The following SBF2 variants were observed in gnomAD, a reference collection of about 807,000 sequenced individuals.
SBF2 encodes SET binding factor 2, also known as myotubularin-related protein 13.
SBF2 carries 112 observed loss-of-function variants against 225.2 expected under a neutral mutation model. That is an observed-to-expected ratio of 0.50 (90% CI 0.43 to 0.58). The LOEUF is 0.58. SBF2 is among the 20% of genes least tolerant of loss of function. The pLI, the probability that SBF2 is intolerant of heterozygous loss-of-function variation, is 0.00. For missense variants in SBF2, 1,996 were observed against 2,206.2 expected (o/e 0.90, Z 1.91); for synonymous variants, 763 against 773.3 (o/e 0.99, Z 0.22).
chr11:10,057,091 C>T (rs1950281754), intron 2 of SBF2, among the ~76,000 whole-genome samples: 1 of 152,168 alleles, frequency 6.6e-6, no homozygotes, highest in South Asian at 2.1e-4. Flanking sequence ...TGCTGTTTCA[C>T]AGCCTTCACT....
chr11:10,025,944 T>C (rs976857456), intron 6 of SBF2, among the ~76,000 whole-genome samples: 1 of 152,120 alleles, frequency 6.6e-6, no homozygotes, highest in East Asian at 1.9e-4. Context: ...AAGTTGTCAT[T>C]GTTAAGAGGA....
exon 1 of SBF2, chr11:10,304,768 A>C (rs2133658078): frequency 6.6e-6 from 1 of 152,476 alleles, no homozygotes. Flanking sequence ...AAGGACCTCA[A>C]GAGGTTGTAG....
chr11:10,196,554 T>A (rs981441903), intron 1 of SBF2, among the ~76,000 whole-genome samples: 2 of 151,980 alleles, frequency 1.3e-5, no homozygotes, highest in East Asian at 3.9e-4. Flanking sequence ...AATTTTCATA[T>A]TTTTTGTAGA....
At chr11:10,235,611 T>A (rs1183056052) in intron 1 of SBF2, among the ~76,000 whole-genome samples, 1 of 152,194 alleles carries the variant, frequency 6.6e-6, no homozygotes, top group African/African-American at 2.4e-5. Context: ...CTTCCCTTTT[T>A]GGAAAAATTA....
chr11:9,787,498 C>T, intron 36 of SBF2, 136 bp downstream of exon 36: 2 of 736,054 alleles, frequency 2.7e-6, no homozygotes, highest in South Asian at 3.0e-5. Flanking sequence ...ACCTCCAGGA[C>T]ATGACCCCTC....
At chr11:10,299,807 C>A (rs1201881529) in intron 1 of SBF2, among the ~76,000 whole-genome samples, 1 of 152,212 alleles carries the variant, frequency 6.6e-6, no homozygotes, top group African/African-American at 2.4e-5. Flanking sequence ...TTGCACCTTT[C>A]TAATCTATCT....
At chr11:9,822,744 C>A (rs541095288) in intron 28 of SBF2, among the ~76,000 whole-genome samples, 1 of 152,038 alleles carries the variant, frequency 6.6e-6, no homozygotes, top group African/African-American at 2.4e-5. Context: ...TCTGTTCTGA[C>A]GAAAGGGGAG....
In SBF2 at chr11:9,846,901, C is replaced by A. The variant is rs1203199943; in HGVS notation, c.2934+55G>T. On this transcript the variant is annotated intron_variant, in intron 23 of 39. Coordinates refer to ENST00000256190, the MANE Select transcript of SBF2 (RefSeq NM_030962.4). ...TGACCACACAAAATGGCCATAATAT[C>A]ATTTGACTTTTGAAAATTTTTGAAT... 17 of 1,600,654 alleles carry A rather than the reference C, an allele frequency of 1.1e-5. No homozygotes were observed. The East Asian group carries it at 1.1e-4, about 11-fold the overall frequency.
At chr11:10,018,915 G>A (rs1443441507) in intron 6 of SBF2, among the ~76,000 whole-genome samples, 1 of 152,132 alleles carries the variant, frequency 6.6e-6, no homozygotes, top group Admixed American at 6.5e-5. Flanking sequence ...ACTATTCCAT[G>A]AGGGCCTTTC....
intron 2 of SBF2, among the ~76,000 whole-genome samples, chr11:10,091,493 C>A (rs576068285): frequency 5.7e-4 from 87 of 152,246 alleles, no homozygotes; most frequent in Non-Finnish European, 5.3e-4. Flanking sequence ...AAGTATAATT[C>A]TGTACATAAA....
At chr11:10,193,261 G>A (rs1957243916) in intron 2 of SBF2, among the ~76,000 whole-genome samples, 3 of 150,700 alleles carry the variant, frequency 2.0e-5, no homozygotes, top group South Asian at 2.1e-4. Flanking sequence ...ATATATATAT[G>A]TGTATCCCTG....
chr11:9,796,085 C>T, intron 32 of SBF2, 128 bp from the exon 33 acceptor site: 2 of 925,520 alleles, frequency 2.2e-6, no homozygotes, highest in Non-Finnish European at 3.4e-6. Context: ...TACCTGAATC[C>T]CTACCATAAG....
At chr11:9,953,055 G>A (rs186192134) in intron 16 of SBF2, among the ~76,000 whole-genome samples, 34 of 152,332 alleles carry the variant, frequency 2.2e-4, no homozygotes, top group Admixed American at 1.1e-3. Flanking sequence ...ATACCAAAAA[G>A]ATTCCTGCAC....
At chr11:10,291,590 C>T (rs1382467538) in intron 1 of SBF2, among the ~76,000 whole-genome samples, 1 of 151,884 alleles carries the variant, frequency 6.6e-6, no homozygotes, top group Non-Finnish European at 1.5e-5. Context: ...GCCAGTGCTT[C>T]GGGCAGGTGG....
intron 2 of SBF2, among the ~76,000 whole-genome samples, chr11:10,064,664 A>C (rs978634144): frequency 6.6e-6 from 1 of 152,236 alleles, no homozygotes; most frequent in Non-Finnish European, 1.5e-5. Flanking sequence ...TAGATTTCAG[A>C]AATTTTTTTT....
At chr11:9,860,151 G>A (rs983153275) in intron 17 of SBF2, among the ~76,000 whole-genome samples, 1 of 152,022 alleles carries the variant, frequency 6.6e-6, no homozygotes, top group Admixed American at 6.6e-5. Context: ...TACTCTGCAT[G>A]AAGACACTTG....
chr11:9,955,383 A>C (rs1590595836), intron 16 of SBF2, among the ~76,000 whole-genome samples: 1 of 152,098 alleles, frequency 6.6e-6, no homozygotes, highest in African/African-American at 2.4e-5. Context: ...CCTTTTGCCT[A>C]CTTAGCAATA....
At position 10,251,123 on chromosome 11, in the gene SBF2, G is replaced by A. The variant is rs376986559; in HGVS notation, c.55+42892C>T. On this transcript the variant is annotated intron_variant, in intron 1 of 39. Coordinates refer to ENST00000256190, the MANE Select transcript of SBF2 (RefSeq NM_030962.4). ...GGATTTTGCAGCCAGCCTTATACAT[G>A]AATAACCTTATACTTTGGTAGATAA... 2.2e-4 allele frequency among the ~76,000 whole-genome samples: 34 copies of A among 152,274 alleles called. No homozygotes were observed. In the South Asian group the frequency reaches 6.6e-3, roughly 30 times the overall value.
intron 2 of SBF2, among the ~76,000 whole-genome samples, chr11:10,183,485 A>C (rs1377967032): frequency 6.6e-6 from 1 of 152,200 alleles, no homozygotes; most frequent in Non-Finnish European, 1.5e-5. Context: ...CTCTCTAAAA[A>C]ATCTTGGCTT....
Sources: allele counts gnomAD v4.1 joint callset (sites outside exome capture counted in the v4.1 genomes callset), GRCh38; gene constraint gnomAD v4.1.1; transcripts MANE v1.5; gene names NCBI Gene and HGNC (gene_info 2026-07-23, HGNC 2026-07-21).